Variants in PCDHGA9 observed in about 807,000 individuals in gnomAD.
PCDHGA9 encodes the protein protocadherin gamma subfamily A, 9.
Under a neutral mutation model 62.5 loss-of-function variants are expected in PCDHGA9, and 37 were observed. The observed-to-expected ratio is 0.59, with a 90% confidence interval of 0.46 to 0.78. The LOEUF (loss-of-function observed/expected upper bound fraction) is 0.78, where lower values mean the gene tolerates loss of function less well. Among genes scored for constraint, PCDHGA9 ranks in the 30% least tolerant of loss-of-function variants. The pLI, the probability that PCDHGA9 is intolerant of heterozygous loss-of-function variation, is 0.00. For missense variants in PCDHGA9, 1,138 were observed against 1,166.2 expected (o/e 0.98, Z 0.35); for synonymous variants, 459 against 484.6 (o/e 0.95, Z 0.69).
At chr5:141,428,448 T>C in intron 1 of PCDHGA9, 12 of 375,612 alleles carry the variant, frequency 3.2e-5, no homozygotes, top group South Asian at 2.4e-4. Flanking sequence ...CAGGGGTTTT[T>C]CCCAACTACA....
At chr5:141,423,067 G>C (rs757110751) in intron 1 of PCDHGA9, 36 of 1,614,024 alleles carry the variant, frequency 2.2e-5, no homozygotes, top group Non-Finnish European at 2.9e-5. Context: ...TAAGGCCAGC[G>C]AGCCGGGACT....
chr5:141,420,540 A>G, intron 1 of PCDHGA9: 1 of 306,814 alleles, frequency 3.3e-6, no homozygotes, highest in Non-Finnish European at 5.7e-6. Context: ...AAAAATATAA[A>G]ATACAGGTAT....
chr5:141,490,938 C>A lies in PCDHGA9; in HGVS notation c.2425-3869C>A. 1.2e-6 allele frequency: 2 copies of A among 1,613,672 alleles called. No individual in the cohort carries two copies. Among genetic ancestry groups the A allele is most frequent in the Non-Finnish European group, 1.7e-6 (2 of 1,179,760 alleles). On this transcript the variant is annotated intron_variant, in intron 1 of 3. Coordinates refer to ENST00000573521, the MANE Select transcript of PCDHGA9 (RefSeq NM_018921.3). The surrounding 1 kb of genome is among the most constrained non-coding windows in gnomAD (Gnocchi z 5.4). ...ATGATAATGCCCCAGCTGTGCTGCA[C>A]CCACGGCCAGACTGGGAACACTCAG... is the stretch of plus-strand genomic sequence containing the variant.
rs151239937 is a variant in PCDHGA9, at chr5:141,485,980, G to A, written c.2425-8827G>A. 1.9e-6 allele frequency: 3 copies of A among 1,614,020 alleles called. No homozygotes were observed. The highest frequency in any genetic ancestry group is 2.5e-6 in the Non-Finnish European group (3 of 1,180,004). Reference sequence around the variant, plus strand: ...TCATCCAGCTCAATGCCTCAGACCCGGACCTGGGTCCCAGTGGTAACGTCA... The same window carrying A: ...TCATCCAGCTCAATGCCTCAGACCCAGACCTGGGTCCCAGTGGTAACGTCA... On this transcript the variant is annotated intron_variant, in intron 1 of 3. Coordinates refer to ENST00000573521, the MANE Select transcript of PCDHGA9 (RefSeq NM_018921.3). The surrounding 1 kb of genome is among the most constrained non-coding windows in gnomAD (Gnocchi z 5.7).
rs1188941232 is a variant in PCDHGA9, at chr5:141,512,270, G to A, written c.*1097G>A. ...TCTGTGGGTGCTGGGTACTCCAGAG[G>A]TGCCACTGGTGGAAGGGTCAGCGGA... On this transcript the variant is annotated 3_prime_UTR_variant, in exon 4 of 4. Coordinates refer to ENST00000573521, the MANE Select transcript of PCDHGA9 (RefSeq NM_018921.3). The A allele has an allele frequency of 1.3e-5, 2 of 152,714 alleles. No individual in the cohort carries two copies. The highest frequency in any genetic ancestry group is 2.9e-5 in the Non-Finnish European group (2 of 68,100). The allele number at this position is 152,714 out of a possible 1,614,324, so 9.5% of individuals were successfully genotyped here.
chr5:141,427,087 A>T, intron 1 of PCDHGA9: 1 of 458,198 alleles, frequency 2.2e-6, no homozygotes, highest in Non-Finnish European at 4.4e-6. Flanking sequence ...ACTGACCAGG[A>T]TGAGGGTGTC....
chr5:141,477,002 G>A lies in PCDHGA9; in HGVS notation c.2425-17805G>A, dbSNP rs770390597. On this transcript the variant is annotated intron_variant, in intron 1 of 3. Coordinates refer to ENST00000573521, the MANE Select transcript of PCDHGA9 (RefSeq NM_018921.3). The surrounding 1 kb of genome is among the most constrained non-coding windows in gnomAD (Gnocchi z 4.9). ...CCGCGCCGGCGTGCGGCAACTATTC[G>A]CCTTAGACCTTGTAACCGGGATGCT... 6.2e-7 allele frequency: 1 copy of A among 1,614,102 alleles called. No homozygotes were observed. The highest frequency in any genetic ancestry group is 1.3e-5 in the African/African-American group (1 of 74,952).
chr5:141,491,823 C>T lies in PCDHGA9; in HGVS notation c.2425-2984C>T, dbSNP rs1242708273. On this transcript the variant is annotated intron_variant, in intron 1 of 3. Transcript: ENST00000573521. The surrounding 1 kb of genome is among the most constrained non-coding windows in gnomAD (Gnocchi z 6.9). ...GCCGGCTTGGTCGCTGGCTGCGCTC[C>T]ACCCGATTCTCGGGATCATTGGACC... The T allele has an allele frequency of 2.7e-6, 4 of 1,479,038 alleles. No homozygotes were observed. Among genetic ancestry groups the T allele is most frequent in the Non-Finnish European group, 3.6e-6 (4 of 1,115,300 alleles). 91.6% of individuals were successfully genotyped at this position (1,479,038 alleles called of 1,614,324 possible).
intron 1 of PCDHGA9, chr5:141,414,831 G>C: frequency 4.3e-6 from 7 of 1,614,212 alleles, no homozygotes; most frequent in Non-Finnish European, 5.9e-6. Flanking sequence ...ACGTGTCGTT[G>C]AGCCTGTTTG....
In PCDHGA9 at chr5:141,404,489, G is replaced by A. The variant is rs867768935; in HGVS notation, c.1537G>A (p.Val513Met). 30 of 1,613,796 alleles carry A rather than the reference G, an allele frequency of 1.9e-5. No individual in the cohort carries two copies. The highest frequency in any genetic ancestry group is 1.3e-4 in the African/African-American group (10 of 75,048). Residue 513 changes from valine to methionine, a missense_variant, in exon 1 of 4, where the codon GTG (valine) becomes ATG (methionine). Val to Met is a conservative substitution (Grantham distance 21). Transcript: ENST00000573521. Reference protein sequence around the residue: ...TYVSINSDTGVLYALCSFDYE... With the variant: ...TYVSINSDTGMLYALCSFDYE... ...TGTCTCTATTAACTCAGACACTGGT[G>A]TGCTGTATGCTCTGTGCTCCTTTGA...
At chr5:141,488,913 A>G (rs887938731) in intron 1 of PCDHGA9, among the ~76,000 whole-genome samples, 4 of 152,196 alleles carry the variant, frequency 2.6e-5, no homozygotes, top group African/African-American at 7.2e-5. Flanking sequence ...TGTGTTCCCA[A>G]GGTTTCCAGG....
intron 1 of PCDHGA9, among the ~76,000 whole-genome samples, chr5:141,472,862 T>C (rs770564770): frequency 1.3e-5 from 2 of 150,322 alleles, no homozygotes; most frequent in South Asian, 4.2e-4. Flanking sequence ...GGCACATGCC[T>C]GTATTCCCAG....
rs376890554 is a variant in PCDHGA9 at position 141,408,250 on chromosome 5, G to A, written c.2424+2874G>A. 3.6e-4 allele frequency: 569 copies of A among 1,595,986 alleles called. 5 individuals are homozygous for A. The highest frequency in any genetic ancestry group is 1.7e-3 in the South Asian group (151 of 89,354). On this transcript the variant is annotated intron_variant, in intron 1 of 3. Coordinates refer to ENST00000573521, the MANE Select transcript of PCDHGA9 (RefSeq NM_018921.3). ...GGCGCCGGGCCGGCCCGCGGCAGGT[G>A]CTATTTCCTTTGCTGCTGCCTTTGT... is the stretch of plus-strand genomic sequence containing the variant.
intron 1 of PCDHGA9, among the ~76,000 whole-genome samples, chr5:141,467,475 T>C (rs2099144764): frequency 6.6e-6 from 1 of 152,248 alleles, no homozygotes; most frequent in Non-Finnish European, 1.5e-5. Flanking sequence ...GCATGGTTTT[T>C]GGTTTCCACA....
In PCDHGA9 at chr5:141,493,145, AG is replaced by A. The variant is rs11350413; in HGVS notation, c.2425-1660del. Among the ~76,000 whole-genome samples the A allele has an allele frequency of 0.17, 26,475 of 152,128 alleles. 2,528 individuals carry two copies. The highest frequency in any genetic ancestry group is 0.28 in the Admixed American group (4,206 of 15,272). ...TAGGACTGTATTTTGAAACACCCCC[AG>A]GTGATTTTGATAGCTGATTGAGAGA... is the stretch of plus-strand genomic sequence containing the variant. On this transcript the variant is annotated intron_variant, in intron 1 of 3. Transcript: ENST00000573521. The surrounding 1 kb of genome is among the most constrained non-coding windows in gnomAD (Gnocchi z 4.3).
chr5:141,418,330 A>C (rs1346623372), intron 1 of PCDHGA9: 2 of 1,613,922 alleles, frequency 1.2e-6, no homozygotes, highest in Admixed American at 1.7e-5. Flanking sequence ...TTGAGTCTGC[A>C]GAAGATCCTG....
intron 1 of PCDHGA9, among the ~76,000 whole-genome samples, chr5:141,469,304 C>T (rs890230691): frequency 2.0e-5 from 3 of 151,892 alleles, no homozygotes; most frequent in East Asian, 1.9e-4. Flanking sequence ...AGACTGGGCA[C>T]GATGGCTCAC....
chr5:141,432,630 G>A lies in PCDHGA9; in HGVS notation c.2424+27254G>A, dbSNP rs1278355878. On this transcript the variant is annotated intron_variant, in intron 1 of 3. Coordinates refer to ENST00000573521, the MANE Select transcript of PCDHGA9 (RefSeq NM_018921.3). This position sits in a 1 kb window ranked among gnomAD's most constrained non-coding sequence, Gnocchi z 6.0. ...CTCTTCTCGGTGGGTCTGCACACGG[G>A]CGAGGTGCGCACGGCGCGAGCCCTG... 3.7e-6 allele frequency: 6 copies of A among 1,612,782 alleles called. No homozygotes were observed. Among genetic ancestry groups the A allele is most frequent in the Non-Finnish European group, 5.1e-6 (6 of 1,179,682 alleles).
At chr5:141,498,971 GGGAAGGAAGGAAGGAAGGAA>G (rs201769957) in intron 2 of PCDHGA9, among the ~76,000 whole-genome samples, 1,566 of 111,048 alleles carry the variant, frequency 0.014, 32 homozygotes, top group African/African-American at 0.048. Flanking sequence ...GAGGGAGGGA[GGGAAGGAAGGAAGGAAGGAA>G]GGAAGGAAGG....
Sources: allele counts gnomAD v4.1 joint callset (sites outside exome capture counted in the v4.1 genomes callset), GRCh38; gene constraint gnomAD v4.1.1; non-coding constraint Gnocchi (gnomAD v3.1); transcripts MANE v1.5; gene names NCBI Gene and HGNC (gene_info 2026-07-23, HGNC 2026-07-21).